Variants in GSE1 observed in about 807,000 individuals in gnomAD.
GSE1 encodes the protein genetic suppressor element 1.
A neutral mutation model predicts 112.6 loss-of-function variants in GSE1; 32 were observed. The observed-to-expected ratio is 0.28, with a 90% CI of 0.21 to 0.38. The LOEUF is 0.38. Ranked by LOEUF, GSE1 falls within the 10% of genes least tolerant of loss-of-function variation. GSE1 has a pLI of 1.00. For synonymous variants in GSE1, 1,115 were observed against 735.6 expected (o/e 1.52, Z -8.35); for missense variants, 2,348 against 1,699.2 (o/e 1.38, Z -6.71).
At chr16:85,338,734 T>C (rs2046558586) in intron 1 of GSE1, among the ~76,000 whole-genome samples, 1 of 152,098 alleles carries the variant, frequency 6.6e-6, no homozygotes, top group Non-Finnish European at 1.5e-5. Context: ...GTAGGTACTG[T>C]CATTGTGACC....
intron 1 of GSE1, among the ~76,000 whole-genome samples, chr16:85,344,996 C>G (rs945882133): frequency 6.6e-6 from 1 of 152,258 alleles, no homozygotes; most frequent in African/African-American, 2.4e-5. Flanking sequence ...GCCGCCCCCT[C>G]CCACAGGCCC....
chr16:85,669,897 A>G (rs1392069261), intron 14 of GSE1, among the ~76,000 whole-genome samples: 1 of 152,202 alleles, frequency 6.6e-6, no homozygotes, highest in African/African-American at 2.4e-5. Context: ...CCTGTCAGGC[A>G]TGACCTGCGC....
chr16:85,623,632 G>A (rs1382834581), intron 1 of GSE1, among the ~76,000 whole-genome samples: 1 of 152,152 alleles, frequency 6.6e-6, no homozygotes, highest in Non-Finnish European at 1.5e-5. Flanking sequence ...TGAGGACCCC[G>A]GTGCCTGCAG....
chr16:85,497,799 C>T (rs2051230015), intron 2 of GSE1, among the ~76,000 whole-genome samples: 1 of 152,178 alleles, frequency 6.6e-6, no homozygotes, highest in African/African-American at 2.4e-5. Context: ...GACTGCTTTT[C>T]TGCACCCCCG....
intron 1 of GSE1, among the ~76,000 whole-genome samples, chr16:85,199,360 A>T (rs1338031186): frequency 1.3e-5 from 2 of 152,220 alleles, no homozygotes; most frequent in East Asian, 3.9e-4. Context: ...TGTGGAGATT[A>T]CAGGCGAGAG....
chr16:85,655,179 C>G (rs2051813401), intron 5 of GSE1, among the ~76,000 whole-genome samples, 188 bp downstream of exon 5: 2 of 152,218 alleles, frequency 1.3e-5, no homozygotes, highest in South Asian at 2.1e-4. Context: ...GGGTCCCCTC[C>G]TGGTAGACAG....
At chr16:85,285,917 T>G (rs2045011085) in intron 1 of GSE1, 1 of 152,250 alleles carries the variant, frequency 6.6e-6, no homozygotes, top group South Asian at 2.1e-4. Context: ...CTTCGTGGCG[T>G]GCCCTGGCAG....
At chr16:85,376,556 G>A (rs868090211) in intron 2 of GSE1, among the ~76,000 whole-genome samples, 2 of 152,216 alleles carry the variant, frequency 1.3e-5, no homozygotes, top group African/African-American at 4.8e-5. Flanking sequence ...CTGCCTGCCG[G>A]GCGTGTGGTC....
rs573743278 is a variant in GSE1 at position 85,596,581 on chromosome 16, C to T, written c.37+40218C>T. Among the ~76,000 whole-genome samples, 8 of 152,296 alleles carry T rather than the reference C, an allele frequency of 5.3e-5. No homozygotes were observed. In the South Asian group the frequency reaches 1.5e-3, roughly 28 times the overall value. ...TTTCTGTATTCTAACATTATGCTGC[C>T]CAATACAGTAGCCACTATCTATTTA... On this transcript the variant is annotated intron_variant, in intron 1 of 2. Transcript: ENST00000635906.
chr16:85,449,882 CAG>C (rs919477986), intron 2 of GSE1, among the ~76,000 whole-genome samples: 2 of 152,206 alleles, frequency 1.3e-5, no homozygotes, highest in African/African-American at 4.8e-5. Flanking sequence ...GAATAAAACA[CAG>C]AAAGTTGTGC....
At chr16:85,210,411 C>T (rs1444076365) in intron 1 of GSE1, among the ~76,000 whole-genome samples, 1 of 152,182 alleles carries the variant, frequency 6.6e-6, no homozygotes, top group African/African-American at 2.4e-5. Flanking sequence ...AGAGACCAGC[C>T]TGGACAATAT....
intron 2 of GSE1, among the ~76,000 whole-genome samples, chr16:85,470,241 G>A (rs528881502): frequency 6.6e-6 from 1 of 152,356 alleles, no homozygotes; most frequent in East Asian, 1.9e-4. Context: ...ATCCTCGGTT[G>A]ATGTGAGAGG....
At position 85,644,210 on chromosome 16, in the gene GSE1, G is replaced by A. The variant is rs59457965; in HGVS notation, c.227-4342G>A. ...AAAAACTAGCCGGGCCTGGTGGCAC[G>A]TGCCTTTAGTCCCGGCTCCTCAGGA... On this transcript the variant is annotated intron_variant, in intron 2 of 15. Coordinates refer to ENST00000253458, the MANE Select transcript of GSE1 (RefSeq NM_014615.5). Among the ~76,000 whole-genome samples the A allele has an allele frequency of 4.9e-3, 740 of 152,180 alleles. 7 individuals carry two copies. Among genetic ancestry groups the A allele is most frequent in the African/African-American group, 0.017 (709 of 41,518 alleles).
chr16:85,323,682 G>C (rs142613113), intron 1 of GSE1, among the ~76,000 whole-genome samples: 17 of 152,204 alleles, frequency 1.1e-4, no homozygotes, highest in Non-Finnish European at 2.4e-4. Flanking sequence ...CTGAGCAGTG[G>C]GGGGAGGTCT....
intron 2 of GSE1, among the ~76,000 whole-genome samples, chr16:85,647,981 A>AC (rs769823580): frequency 1.6e-4 from 24 of 146,334 alleles, no homozygotes; most frequent in South Asian, 6.4e-4. Context: ...TTTTCCTGTG[A>AC]CCCCCCAAGC....
chr16:85,558,099 G>T (rs996817361), intron 1 of GSE1, among the ~76,000 whole-genome samples: 1 of 152,202 alleles, frequency 6.6e-6, no homozygotes, highest in Admixed American at 6.5e-5. Flanking sequence ...AGGTTGTAAG[G>T]GGAGGGCGGA....
At chr16:85,197,823 G>C (rs774827853) in intron 1 of GSE1, among the ~76,000 whole-genome samples, 3 of 152,204 alleles carry the variant, frequency 2.0e-5, no homozygotes, top group Non-Finnish European at 2.9e-5. Context: ...CCGAGGCCTG[G>C]AGCAGAGAGA....
At chr16:85,230,714 C>T (rs757918467) in intron 1 of GSE1, among the ~76,000 whole-genome samples, 12 of 152,206 alleles carry the variant, frequency 7.9e-5, no homozygotes, top group South Asian at 2.1e-4. Context: ...GGGCACATGC[C>T]GTGTGTATAA....
chr16:85,183,653 C>T (rs577496974), intron 1 of GSE1, among the ~76,000 whole-genome samples: 8 of 152,302 alleles, frequency 5.3e-5, no homozygotes, highest in South Asian at 2.1e-4. Flanking sequence ...CTTGGTAAGT[C>T]GACTGGCCTG....
Sources: allele counts gnomAD v4.1 joint callset (sites outside exome capture counted in the v4.1 genomes callset), GRCh38; gene constraint gnomAD v4.1.1; transcripts MANE v1.5; gene names NCBI Gene and HGNC (gene_info 2026-07-23, HGNC 2026-07-21).